Variants in LRRC1 observed in about 807,000 individuals in gnomAD.
LRRC1 encodes leucine rich repeat containing 1, also known as leucine-rich repeat-containing protein 1.
In LRRC1, 28 loss-of-function variants were observed where a neutral mutation model predicts 69.9. That is an observed-to-expected ratio of 0.40 (90% confidence interval 0.30 to 0.55). The LOEUF is 0.55. Ranked by LOEUF, LRRC1 falls within the 20% of genes least tolerant of loss-of-function variation. The probability of loss-of-function intolerance (pLI) is 0.47; values close to 1 mark genes in which losing one functional copy is unlikely to be tolerated. For synonymous variants in LRRC1, 236 were observed against 240.2 expected, an observed-to-expected ratio of 0.98 and a Z score of 0.16; for missense variants, 498 against 609.0, an observed-to-expected ratio of 0.82 and a Z score of 1.92.
intron 7 of LRRC1, among the ~76,000 whole-genome samples, chr6:53,898,721 G>T (rs1376259734): frequency 6.6e-6 from 1 of 152,122 alleles, no homozygotes; most frequent in African/African-American, 2.4e-5. Flanking sequence ...ACAACTTCAG[G>T]GATCTGGCCT....
In LRRC1 at chr6:53,849,061, C is replaced by CTTTTT. The variant is rs569737865; in HGVS notation, c.277+6849_277+6853dup. 5.3e-4 allele frequency among the ~76,000 whole-genome samples: 69 copies of CTTTTT among 130,610 alleles called. 1 individual carries two copies. Among genetic ancestry groups the CTTTTT allele is most frequent in the African/African-American group, 1.9e-3 (66 of 34,600 alleles). The allele number at this position is 130,610 out of a possible 152,430, so 85.7% of individuals were successfully genotyped here. On this transcript the variant is annotated intron_variant, in intron 2 of 13. Coordinates refer to ENST00000370888, the MANE Select transcript of LRRC1 (RefSeq NM_018214.5). Reference sequence around the variant, plus strand: ...CGTGAGCCACTGCGCCCGGCCTATGCTTTTTTTTTTTTTTTTTTTAGTTAG... The same window carrying CTTTTT: ...CGTGAGCCACTGCGCCCGGCCTATGCTTTTTTTTTTTTTTTTTTTTTTTTAGTTAG...
intron 2 of LRRC1, among the ~76,000 whole-genome samples, chr6:53,873,355 G>A (rs986128732): frequency 4.0e-5 from 6 of 149,374 alleles, no homozygotes; most frequent in African/African-American, 7.4e-5. Context: ...GCAGTGGTGC[G>A]ATCTGGGCTC....
At chr6:53,823,526 G>T (rs1187638298) in intron 1 of LRRC1, among the ~76,000 whole-genome samples, 3 of 152,002 alleles carry the variant, frequency 2.0e-5, no homozygotes, top group Non-Finnish European at 4.4e-5. Context: ...TAAGTTCAAG[G>T]GTACATGTGC....
At chr6:53,832,131 G>A (rs1034736286) in intron 1 of LRRC1, among the ~76,000 whole-genome samples, 8 of 152,090 alleles carry the variant, frequency 5.3e-5, no homozygotes, top group Non-Finnish European at 1.0e-4. Context: ...GGTATGATGT[G>A]ACTGACCATA....
intron 11 of LRRC1, among the ~76,000 whole-genome samples, chr6:53,918,032 G>A (rs181406141): frequency 4.1e-4 from 63 of 152,378 alleles, no homozygotes; most frequent in African/African-American, 1.4e-3. Context: ...AAATGGAATT[G>A]TGAATCTGCT....
intron 11 of LRRC1, among the ~76,000 whole-genome samples, chr6:53,917,833 T>C (rs1768615917): frequency 6.6e-6 from 1 of 152,258 alleles, no homozygotes; most frequent in Non-Finnish European, 1.5e-5. Flanking sequence ...TACTTGAAGC[T>C]TTAACAGTGT....
chr6:53,800,643 A>G (rs1202821655), intron 1 of LRRC1, among the ~76,000 whole-genome samples: 3 of 151,130 alleles, frequency 2.0e-5, no homozygotes, highest in Non-Finnish European at 4.4e-5. Context: ...CTTTTCAATA[A>G]TACTTTTTTT....
chr6:53,831,639 A>G (rs1309084504), intron 1 of LRRC1, among the ~76,000 whole-genome samples: 1 of 152,188 alleles, frequency 6.6e-6, no homozygotes, highest in Non-Finnish European at 1.5e-5. Context: ...ACTTAGAGTA[A>G]GAGATAAAGT....
intron 2 of LRRC1, among the ~76,000 whole-genome samples, chr6:53,867,631 A>T (rs1411820462): frequency 6.6e-6 from 1 of 152,172 alleles, no homozygotes; most frequent in Non-Finnish European, 1.5e-5. Flanking sequence ...TGAATTAATG[A>T]AAAGTATGAT....
In LRRC1 at chr6:53,856,199, C is replaced by T. The variant is rs185204432; in HGVS notation, c.277+13972C>T. Among the ~76,000 whole-genome samples the T allele has an allele frequency of 2.0e-4, 30 of 152,274 alleles. 1 individual carries two copies. The East Asian group carries it at 2.5e-3, about 13-fold the overall frequency. On this transcript the variant is annotated intron_variant, in intron 2 of 13. Coordinates refer to ENST00000370888, the MANE Select transcript of LRRC1 (RefSeq NM_018214.5). Reference sequence around the variant, plus strand: ...GTGTATGCTTCATTGTGATAAGGGACGTAGGGACAGGAACGAATTTTTAGA... The same window carrying T: ...GTGTATGCTTCATTGTGATAAGGGATGTAGGGACAGGAACGAATTTTTAGA...
At chr6:53,876,675 G>A (rs529304272) in intron 2 of LRRC1, among the ~76,000 whole-genome samples, 5 of 152,268 alleles carry the variant, frequency 3.3e-5, no homozygotes, top group South Asian at 4.2e-4. Context: ...CCAGCAGGGC[G>A]GTCAAATCTT....
chr6:53,896,967 G>A (rs1245134406), intron 6 of LRRC1, 75 bp downstream of exon 6: 1 of 956,524 alleles, frequency 1.0e-6, no homozygotes, highest in Non-Finnish European at 1.6e-6. Flanking sequence ...GAGTTCTATA[G>A]GGATCTTTAT....
At chr6:53,800,799 C>T (rs1462644727) in intron 1 of LRRC1, among the ~76,000 whole-genome samples, 3 of 151,490 alleles carry the variant, frequency 2.0e-5, no homozygotes, top group African/African-American at 7.3e-5. Context: ...GCCACCACGC[C>T]CGGCTAATTT....
intron 2 of LRRC1, among the ~76,000 whole-genome samples, chr6:53,855,265 A>G (rs897924498): frequency 1.3e-5 from 2 of 152,262 alleles, no homozygotes; most frequent in East Asian, 3.8e-4. Flanking sequence ...CATGAACATT[A>G]ACAGTTGATG....
intron 2 of LRRC1, among the ~76,000 whole-genome samples, chr6:53,875,998 C>T (rs76246562): frequency 0.019 from 2,890 of 152,204 alleles, 39 homozygotes; most frequent in Middle Eastern, 0.031. Flanking sequence ...TTTGGCACCA[C>T]GGACCGGTTT....
chr6:53,828,430 G>A (rs79377727), intron 1 of LRRC1, among the ~76,000 whole-genome samples: 3,856 of 152,298 alleles, frequency 0.025, 75 homozygotes, highest in Middle Eastern at 0.037. Flanking sequence ...GCTTGTCTCC[G>A]TTTTCCAATA....
chr6:53,864,498 G>T (rs887329906), intron 2 of LRRC1, among the ~76,000 whole-genome samples: 1 of 152,064 alleles, frequency 6.6e-6, no homozygotes, highest in Non-Finnish European at 1.5e-5. Flanking sequence ...AGTCTTCCTC[G>T]GCCACGAGGC....
At chr6:53,912,478 G>T (rs919816081) in intron 10 of LRRC1, among the ~76,000 whole-genome samples, 5 of 152,138 alleles carry the variant, frequency 3.3e-5, no homozygotes, top group African/African-American at 1.2e-4. Flanking sequence ...GGAGACTAAA[G>T]GGAGTAATCT....
At chr6:53,862,025 G>A (rs1365498050) in intron 2 of LRRC1, among the ~76,000 whole-genome samples, 1 of 152,148 alleles carries the variant, frequency 6.6e-6, no homozygotes, top group African/African-American at 2.4e-5. Context: ...GATTCCCATG[G>A]CCTAAGGAAG....
Sources: gnomAD v4.1 joint callset for allele counts (sites outside exome capture counted in the v4.1 genomes callset) on GRCh38, gnomAD v4.1.1 for gene constraint, MANE v1.5 for transcripts, NCBI Gene and HGNC (gene_info 2026-07-23, HGNC 2026-07-21) for gene names.